Variants in TEKT3 observed in about 807,000 individuals in gnomAD.
TEKT3 encodes the protein tektin 3, also known as tektin-3.
A neutral mutation model predicts 49.8 loss-of-function variants in TEKT3; 49 were observed. The observed-to-expected ratio is 0.98, with a 90% CI of 0.78 to 1.25. The LOEUF is 1.25. TEKT3 is among the 50% of genes most tolerant of loss of function. The pLI is 0.00. For synonymous variants in TEKT3, 225 were observed against 237.2 expected (o/e 0.95, Z 0.47); for missense variants, 595 against 629.5 (o/e 0.95, Z 0.59).
At position 15,327,916 on chromosome 17, in the gene TEKT3, C is replaced by A. The variant is rs576854998; in HGVS notation, c.663+76G>T. The A allele has an allele frequency of 7.5e-4, 942 of 1,253,740 alleles. 11 individuals are homozygous for A. The South Asian group carries it at 0.011, about 15-fold the overall frequency. 77.7% of individuals were successfully genotyped at this position (1,253,740 alleles called of 1,614,324 possible). A position where few individuals can be genotyped will look rare whatever the true frequency, so the allele number is the denominator to read the frequency against. ...ACTTATAAGTCATTTTATGTAACAT[C>A]CTTTTTTGCTTCTACATATTCAACA... On this transcript the variant is annotated intron_variant, in intron 4 of 8. Coordinates refer to ENST00000395930, the MANE Select transcript of TEKT3 (RefSeq NM_031898.3).
At chr17:15,341,146 C>T (rs950179878) in intron 1 of TEKT3, among the ~76,000 whole-genome samples, 1 of 152,116 alleles carries the variant, frequency 6.6e-6, no homozygotes, top group East Asian at 1.9e-4. Context: ...CAGAGGGGGA[C>T]GAGGAACAGC....
chr17:15,314,239 C>T lies in TEKT3; in HGVS notation c.735-9G>A. The T allele has an allele frequency of 1.2e-6, 2 of 1,614,104 alleles. No homozygotes were observed. The highest frequency in any genetic ancestry group is 1.7e-6 in the Non-Finnish European group (2 of 1,179,998). On this transcript the variant is annotated splice_polypyrimidine_tract_variant and intron_variant, in intron 5 of 8. Coordinates refer to ENST00000395930, the MANE Select transcript of TEKT3 (RefSeq NM_031898.3). ...GGGACGCTCTGTTGGCTCTGCAATACAGAGTCGGGAAGTGGAGCTTCACAC... is the reference window on the plus strand; with the variant it reads ...GGGACGCTCTGTTGGCTCTGCAATATAGAGTCGGGAAGTGGAGCTTCACAC...
chr17:15,319,192 T>C, intron 4 of TEKT3, 45 bp from the exon 5 acceptor site: 3 of 1,482,508 alleles, frequency 2.0e-6, no homozygotes, highest in African/African-American at 1.4e-5. Flanking sequence ...CATTATTGAA[T>C]ATAACACTCA....
chr17:15,303,895 G>T lies in TEKT3; in HGVS notation c.*41C>A. 1 of 1,577,554 alleles carries T rather than the reference G, an allele frequency of 6.3e-7. No homozygotes were observed. Among genetic ancestry groups the T allele is most frequent in the Non-Finnish European group, 8.7e-7 (1 of 1,148,272 alleles). ...AATGCTGAGACAGTGCTCTGGCTCA[G>T]CCTTAACTTAGGGGTATCAAAACCA... On this transcript the variant is annotated 3_prime_UTR_variant, in exon 9 of 9. Coordinates refer to ENST00000395930, the MANE Select transcript of TEKT3 (RefSeq NM_031898.3).
At chr17:15,340,454 G>A (rs1912176389) in intron 1 of TEKT3, 1 of 152,174 alleles carries the variant, frequency 6.6e-6, no homozygotes, top group Non-Finnish European at 1.5e-5. Context: ...GGCTGAGGCA[G>A]GAGAATCGCT....
At chr17:15,307,001 A>T (rs1357364991) in intron 8 of TEKT3, 8 of 152,142 alleles carry the variant, frequency 5.3e-5, no homozygotes, top group African/African-American at 1.9e-4. Context: ...AGCCTGAGTG[A>T]TCTCTTCTGT....
intron 2 of TEKT3, among the ~76,000 whole-genome samples, chr17:15,333,911 C>T (rs530813961): frequency 4.6e-5 from 7 of 151,742 alleles, no homozygotes; most frequent in African/African-American, 1.4e-4. Context: ...TACAGGTGCC[C>T]GCCACCATGC....
In TEKT3 at chr17:15,338,943, C is replaced by T. The variant is rs551552146; in HGVS notation, c.-30+1085G>A. Among the ~76,000 whole-genome samples, 7 of 152,090 alleles carry T rather than the reference C, an allele frequency of 4.6e-5. No homozygotes were observed. In the South Asian group the frequency reaches 1.5e-3, roughly 32 times the overall value. ...ACTGAAAATAGCTATGGAAAAATCC[C>T]CTAAATTAGGCAACTGCTTATTATA... On this transcript the variant is annotated intron_variant, in intron 2 of 8. Transcript: ENST00000395930.
At position 15,331,267 on chromosome 17, in the gene TEKT3, AGTT is replaced by A; in HGVS notation, c.316_318del (p.Asn106del). 5 of 1,614,172 alleles carry A rather than the reference AGTT, an allele frequency of 3.1e-6. No homozygotes were observed. Among genetic ancestry groups the A allele is most frequent in the Non-Finnish European group, 4.2e-6 (5 of 1,180,044 alleles). On this transcript the variant is annotated inframe_deletion, in exon 3 of 9. Coordinates refer to ENST00000395930, the MANE Select transcript of TEKT3 (RefSeq NM_031898.3). ...TGTCGGGAAGTGTTGGACTCTTGATAGTTGGTTAAATTGGACCTGTACCAGTCA... is the reference window on the plus strand; with the variant it reads ...TGTCGGGAAGTGTTGGACTCTTGATAGGTTAAATTGGACCTGTACCAGTCA...
Position 15,331,095 on chromosome 17 carries a change from A to T in TEKT3, c.491T>A (p.Leu164Ter), listed in dbSNP as rs35201932. The T allele has an allele frequency of 1.2e-3, 1,957 of 1,614,154 alleles. 22 individuals carry two copies. The African/African-American group carries it at 0.022, about 18-fold the overall frequency. ...ATTTGTCTCTCCAATCATTTCATCC[A>T]ACTCATGAATGATTTCAGATTTCCA... ...GFWKSEIIHE[L>*]DEMIGETNAL... is the part of the protein sequence containing the mutation. Residue 164 changes from leucine (L) to a stop codon, truncating the protein, a stop_gained, in exon 3 of 9, where the codon TTG (leucine) becomes TAG (stop). Coordinates refer to ENST00000395930, the MANE Select transcript of TEKT3 (RefSeq NM_031898.3). LOFTEE classifies it high-confidence loss of function.
At chr17:15,324,338 A>C (rs890182542) in intron 4 of TEKT3, among the ~76,000 whole-genome samples, 1 of 152,130 alleles carries the variant, frequency 6.6e-6, no homozygotes, top group African/African-American at 2.4e-5. Flanking sequence ...TTTTCCATTC[A>C]TCAGCTGATA....
At chr17:15,330,834 A>T (rs906850240) in intron 3 of TEKT3, among the ~76,000 whole-genome samples, 173 bp downstream of exon 3, 19 of 148,372 alleles carry the variant, frequency 1.3e-4, no homozygotes, top group East Asian at 3.9e-4. Context: ...TAATGCATTT[A>T]AAAAAAAAAT....
intron 4 of TEKT3, among the ~76,000 whole-genome samples, chr17:15,325,855 G>A (rs1229401185): frequency 1.3e-5 from 2 of 152,162 alleles, no homozygotes; most frequent in African/African-American, 4.8e-5. Flanking sequence ...ATTATTTTAA[G>A]GCTTGTGAGA....
intron 5 of TEKT3, among the ~76,000 whole-genome samples, chr17:15,315,617 G>C (rs945447049): frequency 2.6e-5 from 4 of 151,182 alleles, no homozygotes; most frequent in African/African-American, 4.9e-5. Flanking sequence ...AGCTTGAGTC[G>C]TTGGAATAAT....
At chr17:15,333,504 T>C (rs1911858732) in intron 2 of TEKT3, among the ~76,000 whole-genome samples, 1 of 152,142 alleles carries the variant, frequency 6.6e-6, no homozygotes, top group Non-Finnish European at 1.5e-5. Flanking sequence ...TACAGACTGA[T>C]GGTAAAAACA....
chr17:15,319,037 A>G (rs768728527), intron 5 of TEKT3, 40 bp downstream of exon 5: 4 of 1,506,664 alleles, frequency 2.7e-6, no homozygotes, highest in East Asian at 4.5e-5. Flanking sequence ...GTATAGTTCA[A>G]TGATAGATTT....
intron 2 of TEKT3, among the ~76,000 whole-genome samples, chr17:15,333,018 G>T (rs1911831677): frequency 6.7e-6 from 1 of 148,426 alleles, no homozygotes; most frequent in African/African-American, 2.5e-5. Context: ...TATCATTGTA[G>T]ATCTTTTTTT....
chr17:15,303,897 C>CTT lies in TEKT3; in HGVS notation c.*37_*38dup. Reference sequence around the variant, plus strand: ...TGCTGAGACAGTGCTCTGGCTCAGCCTTAACTTAGGGGTATCAAAACCACA... The same window carrying CTT: ...TGCTGAGACAGTGCTCTGGCTCAGCCTTTTAACTTAGGGGTATCAAAACCACA... On this transcript the variant is annotated 3_prime_UTR_variant, in exon 9 of 9. Coordinates refer to ENST00000395930, the MANE Select transcript of TEKT3 (RefSeq NM_031898.3). 1 of 1,589,804 alleles carries CTT rather than the reference C, an allele frequency of 6.3e-7. No homozygotes were observed. Among genetic ancestry groups the CTT allele is most frequent in the South Asian group, 1.1e-5 (1 of 90,424 alleles).
chr17:15,312,516 A>G lies in TEKT3; in HGVS notation c.879-35T>C, dbSNP rs1390137149. 1.9e-6 allele frequency: 3 copies of G among 1,593,256 alleles called. No homozygotes were observed. The African/African-American group carries it at 4.0e-5, about 21-fold the overall frequency. On this transcript the variant is annotated intron_variant, in intron 6 of 8. Coordinates refer to ENST00000395930, the MANE Select transcript of TEKT3 (RefSeq NM_031898.3). Reference sequence around the variant, plus strand: ...AGAAGCAGAAGCAGACAACAGTGAGAGTGATGAATCAGCCTACAGGATCGC... The same window carrying G: ...AGAAGCAGAAGCAGACAACAGTGAGGGTGATGAATCAGCCTACAGGATCGC...
Sources: gnomAD v4.1 joint callset for allele counts (sites outside exome capture counted in the v4.1 genomes callset) on GRCh38, gnomAD v4.1.1 for gene constraint, MANE v1.5 for transcripts, NCBI Gene and HGNC (gene_info 2026-07-23, HGNC 2026-07-21) for gene names.